Variants in VPS37B observed in about 807,000 individuals in gnomAD.
VPS37B encodes the protein vacuolar protein sorting-associated protein 37B.
Under a neutral mutation model 21.2 loss-of-function variants are expected in VPS37B, and 11 were observed. The observed-to-expected ratio is 0.52, with a 90% confidence interval of 0.33 to 0.86. The LOEUF is 0.86. Ranked by LOEUF, VPS37B falls within the 40% of genes least tolerant of loss-of-function variation. The pLI, the probability that VPS37B is intolerant of heterozygous loss-of-function variation, is 0.03. For missense variants in VPS37B, 389 were observed against 374.8 expected (o/e 1.04, Z -0.31); for synonymous variants, 175 against 159.6 (o/e 1.10, Z -0.73).
rs1593903904 is a variant in VPS37B at position 122,868,138 on chromosome 12, C to G, written c.366+342G>C. Among the ~76,000 whole-genome samples, 1 of 152,256 alleles carries G rather than the reference C, an allele frequency of 6.6e-6. No individual in the cohort carries two copies. Among genetic ancestry groups the G allele is most frequent in the East Asian group, 1.9e-4 (1 of 5,204 alleles). ...CGAGGCTCAAGGCTCTAATGCGCAGCTGGACGTGTCCCAGAAGCTCTGTAG... is the reference window on the plus strand; with the variant it reads ...CGAGGCTCAAGGCTCTAATGCGCAGGTGGACGTGTCCCAGAAGCTCTGTAG... On this transcript the variant is annotated intron_variant, in intron 3 of 3. Transcript: ENST00000267202. This position sits in a 1 kb window ranked among gnomAD's most constrained non-coding sequence, Gnocchi z 5.5.
rs767844133 is a variant in VPS37B at position 122,866,276 on chromosome 12, T to G, written c.*840A>C. On this transcript the variant is annotated 3_prime_UTR_variant, in exon 4 of 4. Coordinates refer to ENST00000267202, the MANE Select transcript of VPS37B (RefSeq NM_024667.3). ...CGGCATTTCGATCTGCTCAAGACAGTATCTGCATTTTTTATAAAATTTCCC... is the reference window on the plus strand; with the variant it reads ...CGGCATTTCGATCTGCTCAAGACAGGATCTGCATTTTTTATAAAATTTCCC... 2.0e-5 allele frequency: 3 copies of G among 152,756 alleles called. No individual in the cohort carries two copies. Among genetic ancestry groups the G allele is most frequent in the Middle Eastern group, 3.4e-3 (1 of 294 alleles). 9.5% of individuals were successfully genotyped at this position (152,756 alleles called of 1,614,324 possible). A position where few individuals can be genotyped will look rare whatever the true frequency, so the allele number is the denominator to read the frequency against.
chr12:122,872,201 A>T lies in VPS37B; in HGVS notation c.112-1140T>A, dbSNP rs780287155. On this transcript the variant is annotated intron_variant, in intron 1 of 3. Transcript: ENST00000267202. ...TGCTGTCATAGTTCCTGGTGCGCTC[A>T]CACGAGTGCACACGCACCACACACA... is the stretch of plus-strand genomic sequence containing the variant. 926 of 985,436 alleles carry T rather than the reference A, an allele frequency of 9.4e-4. 2 individuals carry two copies. Among genetic ancestry groups the T allele is most frequent in the Non-Finnish European group, 1.1e-3 (902 of 830,006 alleles). 61.0% of individuals were successfully genotyped at this position (985,436 alleles called of 1,614,324 possible). A position where few individuals can be genotyped will look rare whatever the true frequency, so the allele number is the denominator to read the frequency against.
At chr12:122,872,293 G>T in intron 1 of VPS37B, 1 of 985,446 alleles carries the variant, frequency 1.0e-6, no homozygotes, top group South Asian at 4.7e-5. Context: ...TCAATCAGGA[G>T]ATCCCTAACC....
At chr12:122,871,222 G>A in intron 1 of VPS37B, 161 bp from the exon 2 acceptor site, 1 of 1,381,016 alleles carries the variant, frequency 7.2e-7, no homozygotes, top group Non-Finnish European at 9.4e-7. Flanking sequence ...CCAGAGCCAA[G>A]CCCCTTGGTT....
rs1239862118 is a variant in VPS37B at position 122,896,045 on chromosome 12, G to C, written c.18C>G (p.Ser6Arg). The change falls in exon 1 of 4, where the codon AGC becomes AGG. Residue 6 changes from serine (S) to arginine (R), a missense_variant. Physicochemically the swap from Ser to Arg is moderately radical, Grantham distance 110 (BLOSUM62 -1). Transcript: ENST00000267202. ...GCGACAGCCCGGCGAACCGGGCTTC[G>C]CTCCCGGCGCCCGCCATCCCCACGT... MAGAG[S>R]EARFAGLSLV... 1 of 1,583,222 alleles carries C rather than the reference G, an allele frequency of 6.3e-7. No homozygotes were observed. The highest frequency in any genetic ancestry group is 8.5e-7 in the Non-Finnish European group (1 of 1,170,172).
chr12:122,873,794 T>G (rs1014165632), intron 1 of VPS37B: 2 of 152,266 alleles, frequency 1.3e-5, no homozygotes. Context: ...TCTCAATCAC[T>G]GTCTGTCCCA....
chr12:122,871,792 G>T (rs1178633018), intron 1 of VPS37B: 1 of 964,122 alleles, frequency 1.0e-6, no homozygotes, highest in Non-Finnish European at 1.2e-6. Context: ...AGAACGACAG[G>T]AGTAGAAGGT....
At chr12:122,871,759 G>A (rs1236057210) in intron 1 of VPS37B, 1 of 968,924 alleles carries the variant, frequency 1.0e-6, no homozygotes, top group Non-Finnish European at 1.2e-6. Context: ...TAGAGAAGAA[G>A]CCACATGCCC....
intron 1 of VPS37B, among the ~76,000 whole-genome samples, chr12:122,892,055 T>C (rs910865424): frequency 6.6e-6 from 1 of 152,196 alleles, no homozygotes; most frequent in East Asian, 1.9e-4. Context: ...TAAGCGACAG[T>C]TCCTTTTAAG....
intron 1 of VPS37B, chr12:122,886,557 C>G (rs1367182686): frequency 2.0e-5 from 3 of 152,182 alleles, no homozygotes; most frequent in African/African-American, 7.2e-5. Flanking sequence ...TATGGTCACA[C>G]CACCATGCTC....
chr12:122,884,968 T>A (rs57790600), intron 1 of VPS37B: 4 of 152,320 alleles, frequency 2.6e-5, no homozygotes, highest in African/African-American at 7.2e-5. Flanking sequence ...TTAAAATACA[T>A]CATGACATGA....
At position 122,896,039 on chromosome 12, in the gene VPS37B, G is replaced by C. The variant is rs1028940906; in HGVS notation, c.24C>G (p.Ala8=). Reference sequence around the variant, plus strand: ...GCACCAGCGACAGCCCGGCGAACCGGGCTTCGCTCCCGGCGCCCGCCATCC... The same window carrying C: ...GCACCAGCGACAGCCCGGCGAACCGCGCTTCGCTCCCGGCGCCCGCCATCC... MAGAGSE[A]RFAGLSLVQL... The change falls in exon 1 of 4, where the codon GCC becomes GCG. Residue 8 remains alanine, a synonymous_variant. Coordinates refer to ENST00000267202, the MANE Select transcript of VPS37B (RefSeq NM_024667.3). 1.4e-5 allele frequency: 22 copies of C among 1,586,178 alleles called. No individual in the cohort carries two copies. Among genetic ancestry groups the C allele is most frequent in the Non-Finnish European group, 1.8e-5 (21 of 1,170,882 alleles).
rs916571745 is a variant in VPS37B, at chr12:122,866,330, T to A, written c.*786A>T. ...ATGGTCTTGGGAGTGTCAAAAAAGT[T>A]TTTTCAATATAAAACAGGAAAATCA... is the stretch of plus-strand genomic sequence containing the variant. On this transcript the variant is annotated 3_prime_UTR_variant, in exon 4 of 4. Transcript: ENST00000267202. The A allele has an allele frequency of 6.6e-6, 1 of 152,642 alleles. No homozygotes were observed. Among genetic ancestry groups the A allele is most frequent in the Admixed American group, 6.5e-5 (1 of 15,284 alleles). The allele number at this position is 152,642 out of a possible 1,614,324, so 9.5% of individuals were successfully genotyped here.
chr12:122,871,576 A>C lies in VPS37B; in HGVS notation c.112-515T>G, dbSNP rs1159975996. On this transcript the variant is annotated intron_variant, in intron 1 of 3. Transcript: ENST00000267202. ...CTGGGAAGGAACTGTGTTTCCAGCC[A>C]CCGGGGTTCCTCTGTCTCTCCCATG... 10 of 985,546 alleles carry C rather than the reference A, an allele frequency of 1.0e-5. No homozygotes were observed. In the Middle Eastern group the frequency reaches 2.1e-3, roughly 206 times the overall value. 61.1% of individuals were successfully genotyped at this position (985,546 alleles called of 1,614,324 possible). A position where few individuals can be genotyped will look rare whatever the true frequency, so the allele number is the denominator to read the frequency against.
chr12:122,888,610 A>G (rs1412669138), intron 1 of VPS37B: 1 of 456,082 alleles, frequency 2.2e-6, no homozygotes, highest in South Asian at 1.5e-5. Flanking sequence ...GCTCAAGAAC[A>G]CAACCACTCT....
rs2277345 is a variant in VPS37B at position 122,868,289 on chromosome 12, C to T, written c.366+191G>A. On this transcript the variant is annotated intron_variant, in intron 3 of 3. Transcript: ENST00000267202. This position sits in a 1 kb window ranked among gnomAD's most constrained non-coding sequence, Gnocchi z 5.5. ...CGCTCGGACCTGCCCTCACTCACCC[C>T]GCTGCTCCCTGGACCCCTGCCTGGC... Among the ~76,000 whole-genome samples, 1,110 of 152,230 alleles carry T rather than the reference C, an allele frequency of 7.3e-3. 44 individuals carry two copies. The East Asian group carries it at 0.1, about 14-fold the overall frequency.
At chr12:122,871,187 C>G in intron 1 of VPS37B, 126 bp from the exon 2 acceptor site, 2 of 1,437,966 alleles carry the variant, frequency 1.4e-6, no homozygotes, top group South Asian at 3.0e-5. Flanking sequence ...CAGCTGGCAC[C>G]GCATGCCAGG....
At chr12:122,877,416 C>G (rs572538728) in intron 1 of VPS37B, 3 of 152,272 alleles carry the variant, frequency 2.0e-5, no homozygotes, top group South Asian at 2.1e-4. Flanking sequence ...GGGTCTTGTT[C>G]TATCACGCAG....
chr12:122,882,891 T>C (rs995068489), intron 1 of VPS37B: 44 of 152,370 alleles, frequency 2.9e-4, no homozygotes, highest in African/African-American at 1.0e-3. Flanking sequence ...AGATGTGCTG[T>C]AAACACATTA....
Sources: allele counts gnomAD v4.1 joint callset (sites outside exome capture counted in the v4.1 genomes callset), GRCh38; gene constraint gnomAD v4.1.1; non-coding constraint Gnocchi (gnomAD v3.1); transcripts MANE v1.5; gene names NCBI Gene and HGNC (gene_info 2026-07-23, HGNC 2026-07-21).